SIPA1L1: variants seen among roughly 807,000 people sequenced by gnomAD.
The protein encoded by SIPA1L1 is signal-induced proliferation-associated 1-like protein 1.
SIPA1L1 carries 26 observed loss-of-function variants against 162.7 expected under a neutral mutation model. That is an observed-to-expected ratio of 0.16 (90% CI 0.12 to 0.22). The LOEUF is 0.22. Among genes scored for constraint, SIPA1L1 ranks in the 10% least tolerant of loss-of-function variants. The probability of loss-of-function intolerance (pLI) is 1.00; values close to 1 mark genes in which losing one functional copy is unlikely to be tolerated. For missense variants in SIPA1L1, 1,874 were observed against 2,241.0 expected, an observed-to-expected ratio of 0.84 and a Z score of 3.31; for synonymous variants, 829 against 837.4, an observed-to-expected ratio of 0.99 and a Z score of 0.17.
intron 12 of SIPA1L1, among the ~76,000 whole-genome samples, chr14:71,679,707 A>G (rs943578325): frequency 6.6e-6 from 1 of 152,258 alleles, no homozygotes; most frequent in Non-Finnish European, 1.5e-5. Flanking sequence ...GCAGAGACAC[A>G]CATAGGCTCA....
At chr14:71,345,366 G>A (rs2036052787) in intron 2 of SIPA1L1, among the ~76,000 whole-genome samples, 1 of 152,140 alleles carries the variant, frequency 6.6e-6, no homozygotes, top group Non-Finnish European at 1.5e-5. Context: ...CCAGTCCTTT[G>A]GGATTCAAAG....
intron 20 of SIPA1L1, 71 bp downstream of exon 20, chr14:71,730,372 A>G: frequency 1.3e-6 from 2 of 1,558,284 alleles, no homozygotes; most frequent in East Asian, 4.5e-5. Context: ...CGTGGCTGCC[A>G]CTCATGTGCT....
intron 5 of SIPA1L1, 63 bp from the exon 6 acceptor site, chr14:71,618,694 A>C: frequency 6.8e-7 from 1 of 1,475,556 alleles, no homozygotes; most frequent in African/African-American, 1.4e-5. Flanking sequence ...TACTGAGCAG[A>C]ATGTAACATT....
intron 2 of SIPA1L1, among the ~76,000 whole-genome samples, chr14:71,438,503 C>A (rs1378948108): frequency 2.0e-5 from 3 of 152,226 alleles, no homozygotes; most frequent in Non-Finnish European, 4.4e-5. Context: ...ATTCCCAGAT[C>A]TCAAAATATC....
At chr14:71,681,692 G>C (rs1174051175) in intron 12 of SIPA1L1, among the ~76,000 whole-genome samples, 2 of 152,076 alleles carry the variant, frequency 1.3e-5, no homozygotes, top group Non-Finnish European at 2.9e-5. Flanking sequence ...TGGCTTATAG[G>C]GACCAAGCCA....
chr14:71,434,382 A>G (rs1222466764), intron 2 of SIPA1L1, among the ~76,000 whole-genome samples: 1 of 152,232 alleles, frequency 6.6e-6, no homozygotes, highest in Non-Finnish European at 1.5e-5. Context: ...TTTAATCACA[A>G]AGTAATTAGA....
At chr14:71,436,760 ATTTTT>A (rs1231560483) in intron 2 of SIPA1L1, among the ~76,000 whole-genome samples, 3 of 130,984 alleles carry the variant, frequency 2.3e-5, no homozygotes, top group Non-Finnish European at 3.2e-5. Context: ...TACCTTCTGA[ATTTTT>A]TTTTTTTTTT....
chr14:71,673,223 C>A (rs974102305), intron 12 of SIPA1L1, among the ~76,000 whole-genome samples: 7 of 152,346 alleles, frequency 4.6e-5, no homozygotes, highest in African/African-American at 1.4e-4. Context: ...CCCAACCCCC[C>A]ACAGCTCCTG....
At chr14:71,378,110 T>C (rs561383174) in intron 2 of SIPA1L1, among the ~76,000 whole-genome samples, 3 of 151,894 alleles carry the variant, frequency 2.0e-5, no homozygotes, top group Non-Finnish European at 4.4e-5. Flanking sequence ...GTTTTGTCTT[T>C]TTTTTTTTGA....
intron 3 of SIPA1L1, among the ~76,000 whole-genome samples, chr14:71,521,324 A>G (rs2052332583): frequency 6.6e-6 from 1 of 152,196 alleles, no homozygotes. Context: ...TTTTTATGCT[A>G]AATTTGATGA....
intron 13 of SIPA1L1, among the ~76,000 whole-genome samples, chr14:71,693,429 G>A (rs1426473705): frequency 2.6e-5 from 4 of 151,384 alleles, no homozygotes; most frequent in Admixed American, 1.3e-4. Flanking sequence ...AACCTGGGAG[G>A]AGGAGATCGC....
chr14:71,580,650 A>AAC (rs1241391022), intron 4 of SIPA1L1, among the ~76,000 whole-genome samples: 3 of 152,198 alleles, frequency 2.0e-5, no homozygotes, highest in African/African-American at 7.2e-5. Flanking sequence ...TTAGCACAAG[A>AAC]ACATCTTACA....
At chr14:71,467,763 C>A (rs1033053679) in intron 2 of SIPA1L1, among the ~76,000 whole-genome samples, 1 of 151,518 alleles carries the variant, frequency 6.6e-6, no homozygotes, top group East Asian at 1.9e-4. Context: ...TGCCTGTTAT[C>A]CTAGCCCTCT....
intron 7 of SIPA1L1, among the ~76,000 whole-genome samples, 153 bp downstream of exon 7, chr14:71,624,389 TAACTCTG>T (rs961774031): frequency 3.9e-5 from 6 of 152,214 alleles, no homozygotes; most frequent in South Asian, 2.1e-4. Context: ...TGTTTTTTCT[TAACTCTG>T]AACTCTGAAC....
chr14:71,549,927 G>A (rs762317617), intron 4 of SIPA1L1, among the ~76,000 whole-genome samples: 1 of 152,172 alleles, frequency 6.6e-6, no homozygotes, highest in Non-Finnish European at 1.5e-5. Context: ...TCATTTGGCT[G>A]TAGCAATAGT....
chr14:71,665,409 G>A (rs1375335819), intron 10 of SIPA1L1, among the ~76,000 whole-genome samples: 1 of 152,118 alleles, frequency 6.6e-6, no homozygotes, highest in Non-Finnish European at 1.5e-5. Flanking sequence ...CAAGAACTCA[G>A]AAATCAGTCA....
chr14:71,607,428 C>G (rs2037658750), intron 5 of SIPA1L1, among the ~76,000 whole-genome samples: 1 of 151,914 alleles, frequency 6.6e-6, no homozygotes, highest in Non-Finnish European at 1.5e-5. Flanking sequence ...TTACTAATAC[C>G]AATGCTTTTG....
chr14:71,653,886 A>C (rs890436867), intron 8 of SIPA1L1, among the ~76,000 whole-genome samples: 4 of 152,152 alleles, frequency 2.6e-5, no homozygotes, highest in Non-Finnish European at 5.9e-5. Context: ...GCTAGCAAGC[A>C]TTAGGAAAGT....
At chr14:71,646,118 A>G (rs1029128648) in intron 7 of SIPA1L1, among the ~76,000 whole-genome samples, 1 of 151,670 alleles carries the variant, frequency 6.6e-6, no homozygotes, top group African/African-American at 2.4e-5. Flanking sequence ...TTTATCGTCC[A>G]TCTTTCCAGG....
Sources: allele counts gnomAD v4.1 joint callset (sites outside exome capture counted in the v4.1 genomes callset), GRCh38; gene constraint gnomAD v4.1.1; transcripts MANE v1.5; gene names NCBI Gene and HGNC (gene_info 2026-07-23, HGNC 2026-07-21).